Variants in ZCCHC4 observed in about 807,000 individuals in gnomAD.
ZCCHC4 encodes the protein rRNA N(6)-adenosine-methyltransferase ZCCHC4.
A neutral mutation model predicts 67.7 loss-of-function variants in ZCCHC4; 54 were observed. The observed-to-expected ratio is 0.80, with a 90% CI of 0.64 to 1.00. The LOEUF is 1.00. Among genes scored for constraint, ZCCHC4 ranks in the 50% least tolerant of loss-of-function variants. The probability of loss-of-function intolerance (pLI) is 0.00; values close to 1 mark genes in which losing one functional copy is unlikely to be tolerated. For missense variants in ZCCHC4, 609 were observed against 617.0 expected (o/e 0.99, Z 0.14); for synonymous variants, 198 against 213.5 (o/e 0.93, Z 0.63).
chr4:25,329,512 A>T lies in ZCCHC4; in HGVS notation c.330-3671A>T, dbSNP rs189691567. Among the ~76,000 whole-genome samples, 652 of 130,876 alleles carry T rather than the reference A, an allele frequency of 5.0e-3. 2 individuals carry two copies. The highest frequency in any genetic ancestry group is 8.8e-3 in the Admixed American group (115 of 13,112). 85.9% of individuals were successfully genotyped at this position (130,876 alleles called of 152,430 possible). On this transcript the variant is annotated intron_variant, in intron 3 of 12. Transcript: ENST00000302874. Reference sequence around the variant, plus strand: ...TAATAATTTTAACAAACCTTTGTAGATTTCGTCTTTTTATATTTTCCTTTT... The same window carrying T: ...TAATAATTTTAACAAACCTTTGTAGTTTTCGTCTTTTTATATTTTCCTTTT...
At chr4:25,331,115 A>G (rs1448213672) in intron 3 of ZCCHC4, among the ~76,000 whole-genome samples, 2 of 152,140 alleles carry the variant, frequency 1.3e-5, no homozygotes, top group African/African-American at 2.4e-5. Flanking sequence ...CCAGCTCTCC[A>G]CAGGCAGGAA....
intron 3 of ZCCHC4, among the ~76,000 whole-genome samples, chr4:25,321,018 G>A (rs1718552694): frequency 6.6e-6 from 1 of 152,174 alleles, no homozygotes; most frequent in South Asian, 2.1e-4. Flanking sequence ...GTTACTCAGT[G>A]GGTGATAGGT....
chr4:25,354,133 G>A (rs749713876), intron 8 of ZCCHC4, among the ~76,000 whole-genome samples: 1 of 151,600 alleles, frequency 6.6e-6, no homozygotes, highest in Non-Finnish European at 1.5e-5. Context: ...TTCACTATGG[G>A]CAAGAGTTTG....
At chr4:25,362,816 T>C (rs187368588) in intron 10 of ZCCHC4, among the ~76,000 whole-genome samples, 26 of 152,128 alleles carry the variant, frequency 1.7e-4, no homozygotes, top group African/African-American at 6.3e-4. Context: ...ATCCTCCTAT[T>C]TATTTATTTA....
At position 25,315,412 on chromosome 4, in the gene ZCCHC4, G is replaced by C; in HGVS notation, c.329+12G>C. The C allele has an allele frequency of 1.9e-6, 3 of 1,569,934 alleles. No individual in the cohort carries two copies. Among genetic ancestry groups the C allele is most frequent in the Non-Finnish European group, 2.6e-6 (3 of 1,159,298 alleles). On this transcript the variant is annotated intron_variant, in intron 3 of 12. Transcript: ENST00000302874. ...CAGTGTGTGGAAAGGTACTGATGCA[G>C]TGTCATTTTTCTTTATTAGTTTAGC...
At chr4:25,360,050 T>C (rs1319499373) in intron 8 of ZCCHC4, among the ~76,000 whole-genome samples, 1 of 152,212 alleles carries the variant, frequency 6.6e-6, no homozygotes, top group Non-Finnish European at 1.5e-5. Flanking sequence ...ACAGTATCAC[T>C]ATATAGTGGA....
intron 3 of ZCCHC4, among the ~76,000 whole-genome samples, chr4:25,326,347 A>G (rs776353471): frequency 1.8e-4 from 28 of 152,228 alleles, no homozygotes; most frequent in Non-Finnish European, 2.8e-4. Flanking sequence ...ATGACCCAGG[A>G]TAACCTCCTC....
Position 25,314,152 on chromosome 4 carries a change from G to A in ZCCHC4, c.234G>A (p.Trp78Ter). The A allele has an allele frequency of 6.3e-7, 1 of 1,591,002 alleles. No individual in the cohort carries two copies. Among genetic ancestry groups the A allele is most frequent in the Non-Finnish European group, 8.5e-7 (1 of 1,171,058 alleles). The change falls in exon 2 of 13, where the codon TGG becomes TGA. Residue 78 changes from tryptophan (W) to a stop codon, truncating the protein, a stop_gained. Transcript: ENST00000302874. LOFTEE classifies it high-confidence loss of function. ...RDRKDCNFFQ[W>*]EDEKLSGARL... ...GAAAAGACTGTAATTTTTTTCAGTG[G>A]GAAGATGAAAAGGTATATCAACTTT...
Position 25,351,940 on chromosome 4 carries a change from T to G in ZCCHC4, c.1011+251T>G, listed in dbSNP as rs185100272. The G allele has an allele frequency of 8.1e-5, 91 of 1,126,048 alleles. No individual in the cohort carries two copies. The African/African-American group carries it at 1.4e-3, about 17-fold the overall frequency. 69.8% of individuals were successfully genotyped at this position (1,126,048 alleles called of 1,614,324 possible). A position where few individuals can be genotyped will look rare whatever the true frequency, so the allele number is the denominator to read the frequency against. Reference sequence around the variant, plus strand: ...GGACAAAGCCCCAAGAAAAAATATCTCACCAAGCTCCTTGGGTGACTCCAA... The same window carrying G: ...GGACAAAGCCCCAAGAAAAAATATCGCACCAAGCTCCTTGGGTGACTCCAA... On this transcript the variant is annotated intron_variant, in intron 8 of 12. Coordinates refer to ENST00000302874, the MANE Select transcript of ZCCHC4 (RefSeq NM_024936.3).
chr4:25,364,257 A>G (rs1386958000), intron 10 of ZCCHC4, among the ~76,000 whole-genome samples, 197 bp from the exon 11 acceptor site: 3 of 152,184 alleles, frequency 2.0e-5, no homozygotes, highest in Non-Finnish European at 2.9e-5. Context: ...ATTGAGGCCC[A>G]TCAAGGAGGC....
intron 8 of ZCCHC4, among the ~76,000 whole-genome samples, chr4:25,358,712 G>A (rs1330471722): frequency 6.6e-6 from 1 of 152,204 alleles, no homozygotes; most frequent in African/African-American, 2.4e-5. Context: ...TTGGAGCACA[G>A]GTGCACAACT....
Position 25,351,589 on chromosome 4 carries a change from A to G in ZCCHC4, c.911A>G (p.Asp304Gly), listed in dbSNP as rs1187604220. The change falls in exon 8 of 13, where the codon GAT becomes GGT. Residue 304 changes from aspartate (D) to glycine (G), a missense_variant and splice_region_variant. By Grantham distance (94) the Asp-to-Gly change is moderately conservative. Coordinates refer to ENST00000302874, the MANE Select transcript of ZCCHC4 (RefSeq NM_024936.3). The part of the protein sequence containing the change: ...IAMWKEGQSQ[D>G]DSHKELPIFW... The stretch of plus-strand genomic sequence containing the variant: ...TTTTTTCCTTTTTGTGATCCATTAG[A>G]TGACAGTCACAAAGAACTACCCATT... 1.3e-6 allele frequency: 2 copies of G among 1,599,912 alleles called. No homozygotes were observed. The highest frequency in any genetic ancestry group is 1.7e-6 in the Non-Finnish European group (2 of 1,171,458).
intron 8 of ZCCHC4, among the ~76,000 whole-genome samples, chr4:25,357,372 T>A (rs2109088294): frequency 6.6e-6 from 1 of 152,374 alleles, no homozygotes; most frequent in African/African-American, 2.4e-5. Context: ...GAAAGTTTCC[T>A]TGTTGTGATA....
intron 3 of ZCCHC4, among the ~76,000 whole-genome samples, chr4:25,318,304 A>ATG (rs765468474): frequency 2.3e-4 from 26 of 113,222 alleles, no homozygotes; most frequent in East Asian, 8.8e-4. Context: ...GTAAAATTTT[A>ATG]GTTTGGAGCT....
intron 10 of ZCCHC4, among the ~76,000 whole-genome samples, chr4:25,363,349 C>T (rs1194961402): frequency 6.6e-6 from 1 of 152,168 alleles, no homozygotes; most frequent in African/African-American, 2.4e-5. Flanking sequence ...GGTTTGATAG[C>T]TCATTTTATG....
intron 10 of ZCCHC4, among the ~76,000 whole-genome samples, chr4:25,363,235 C>T (rs1720822820): frequency 6.6e-6 from 1 of 152,098 alleles, no homozygotes; most frequent in Non-Finnish European, 1.5e-5. Context: ...ATAGTTTTTC[C>T]TTTTCCAGAA....
intron 5 of ZCCHC4, among the ~76,000 whole-genome samples, chr4:25,337,310 G>T (rs1719507240): frequency 6.6e-6 from 1 of 152,174 alleles, no homozygotes; most frequent in African/African-American, 2.4e-5. Flanking sequence ...AATGTTGCTA[G>T]GGCTCCCTCT....
Position 25,370,184 on chromosome 4 carries a change from C to T in ZCCHC4, c.*1020C>T, listed in dbSNP as rs1721092308. The T allele has an allele frequency of 6.6e-6, 1 of 152,122 alleles. No homozygotes were observed. The highest frequency in any genetic ancestry group is 2.4e-5 in the African/African-American group (1 of 41,430). 9.4% of individuals were successfully genotyped at this position (152,122 alleles called of 1,614,324 possible). ...AGATTCTGTCTTTGTAAAAGTAGTT[C>T]GTAGCAGAAGCCAGGATAGTTTGGT... On this transcript the variant is annotated 3_prime_UTR_variant, in exon 13 of 13. Transcript: ENST00000302874.
chr4:25,315,617 T>C (rs1451212382), intron 3 of ZCCHC4, among the ~76,000 whole-genome samples: 1 of 152,068 alleles, frequency 6.6e-6, no homozygotes, highest in African/African-American at 2.4e-5. Flanking sequence ...TCGCAAAACT[T>C]TTTCATCACT....
Sources: gnomAD v4.1 joint callset for allele counts (sites outside exome capture counted in the v4.1 genomes callset) on GRCh38, gnomAD v4.1.1 for gene constraint, MANE v1.5 for transcripts, NCBI Gene and HGNC (gene_info 2026-07-23, HGNC 2026-07-21) for gene names.